Variants in ABAT observed in about 807,000 individuals in gnomAD.
ABAT encodes the protein 4-aminobutyrate aminotransferase, mitochondrial.
In ABAT, 45 loss-of-function variants were observed where a neutral mutation model predicts 64.6. That is an observed-to-expected ratio of 0.70 (90% CI 0.55 to 0.89). The LOEUF (loss-of-function observed/expected upper bound fraction) is 0.89. Ranked by LOEUF, ABAT falls within the 40% of genes least tolerant of loss-of-function variation. The pLI, the probability that ABAT is intolerant of heterozygous loss-of-function variation, is 0.00. For missense variants in ABAT, 633 were observed against 658.4 expected (o/e 0.96, Z 0.42); for synonymous variants, 297 against 250.5 (o/e 1.19, Z -1.75).
At chr16:8,747,420 T>G (rs2142658708) in intron 3 of ABAT, among the ~76,000 whole-genome samples, 2 of 152,342 alleles carry the variant, frequency 1.3e-5, no homozygotes, top group South Asian at 4.1e-4. Context: ...GATAGTGTTT[T>G]GCTAACAAAA....
chr16:8,749,425 G>C (rs1294683312), intron 4 of ABAT, among the ~76,000 whole-genome samples: 10 of 63,364 alleles, frequency 1.6e-4, no homozygotes, highest in Non-Finnish European at 2.6e-4. Flanking sequence ...TTGAGATGAA[G>C]TCTCACTCTG....
chr16:8,683,609 G>A (rs913361601), intron 1 of ABAT: 2 of 151,352 alleles, frequency 1.3e-5, no homozygotes, highest in Non-Finnish European at 2.9e-5. Context: ...CTATGATACT[G>A]AAAATATGGG....
At chr16:8,765,351 A>C (rs117423276) in intron 8 of ABAT, among the ~76,000 whole-genome samples, 1,803 of 150,576 alleles carry the variant, frequency 0.012, 9 homozygotes, top group Non-Finnish European at 0.018. Flanking sequence ...AAAAAAAAGA[A>C]GAAGAAAATG....
intron 15 of ABAT, chr16:8,780,790 C>G (rs1475077753): frequency 5.6e-6 from 1 of 178,848 alleles, no homozygotes; most frequent in African/African-American, 2.7e-5. Context: ...AAGGCATAAA[C>G]AACCTCGACA....
At chr16:8,726,902 C>G (rs2058574406) in intron 1 of ABAT, among the ~76,000 whole-genome samples, 1 of 152,164 alleles carries the variant, frequency 6.6e-6, no homozygotes, top group African/African-American at 2.4e-5. Context: ...GGTGAGATGA[C>G]AGCTCTTTGT....
At chr16:8,732,567 G>T (rs1345465037) in intron 1 of ABAT, among the ~76,000 whole-genome samples, 6 of 151,674 alleles carry the variant, frequency 4.0e-5, no homozygotes, top group Non-Finnish European at 5.9e-5. Context: ...GGATCCCAAG[G>T]CAGAAGAAGT....
At chr16:8,689,100 T>C (rs1273352) in intron 1 of ABAT, among the ~76,000 whole-genome samples, 64,636 of 150,136 alleles carry the variant, frequency 0.43, 14,313 homozygotes, top group East Asian at 0.64. Context: ...AAAAAAAAGT[T>C]CAACGTCATT....
chr16:8,688,446 C>G (rs2057506538), intron 1 of ABAT, among the ~76,000 whole-genome samples: 1 of 152,198 alleles, frequency 6.6e-6, no homozygotes, highest in African/African-American at 2.4e-5. Context: ...CCTTCCCTTC[C>G]TGTACCTTTA....
intron 1 of ABAT, among the ~76,000 whole-genome samples, chr16:8,709,002 G>A (rs935565281): frequency 6.6e-6 from 1 of 152,078 alleles, no homozygotes; most frequent in Non-Finnish European, 1.5e-5. Flanking sequence ...CCCGAAATGG[G>A]GCTCATCTGA....
chr16:8,735,155 T>C (rs1174014727), intron 1 of ABAT, among the ~76,000 whole-genome samples: 2 of 134,486 alleles, frequency 1.5e-5, no homozygotes, highest in Admixed American at 8.0e-5. Context: ...GCCTGAGCGA[T>C]AGAATGAGAC....
chr16:8,774,424 G>GATA (rs1294030224), intron 12 of ABAT, among the ~76,000 whole-genome samples: 2 of 151,990 alleles, frequency 1.3e-5, no homozygotes, highest in Non-Finnish European at 2.9e-5. Flanking sequence ...CAATCAAACC[G>GATA]ATAAGTTCAC....
chr16:8,697,809 GTAGT>G (rs927971019), intron 1 of ABAT, among the ~76,000 whole-genome samples: 13 of 151,946 alleles, frequency 8.6e-5, no homozygotes, highest in Non-Finnish European at 1.9e-4. Context: ...CTAATTTTTT[GTAGT>G]TTTAGTAGAG....
chr16:8,743,720 T>C (rs138531522), intron 2 of ABAT, among the ~76,000 whole-genome samples: 22 of 147,802 alleles, frequency 1.5e-4, no homozygotes, highest in African/African-American at 5.4e-4. Context: ...TGTAGTTATA[T>C]AATATATATT....
At chr16:8,766,347 G>T in intron 9 of ABAT, 77 bp downstream of exon 9, 1 of 1,448,346 alleles carries the variant, frequency 6.9e-7, no homozygotes, top group African/African-American at 1.4e-5. Flanking sequence ...TGGCTGGCTG[G>T]CACTGTCCTC....
Position 8,704,842 on chromosome 16 carries a change from TA to T in ABAT, c.-42+30140del, listed in dbSNP as rs1002045229. 2.2e-4 allele frequency among the ~76,000 whole-genome samples: 34 copies of T among 152,010 alleles called. 1 individual carries two copies. Among genetic ancestry groups the T allele is most frequent in the African/African-American group, 5.8e-4 (24 of 41,494 alleles). On this transcript the variant is annotated intron_variant, in intron 1 of 15. Transcript: ENST00000268251. ...TTTTCAACTGAGCACGCTTCTTTTT[TA>T]AAAAAAAATTTTTAAATTTTTGTAC...
intron 1 of ABAT, chr16:8,713,522 C>T (rs2058126488): frequency 1.0e-5 from 2 of 195,522 alleles, no homozygotes; most frequent in African/African-American, 4.7e-5. Context: ...AAACCCTTGT[C>T]TTTCTGAATC....
At chr16:8,750,943 CTTTTTTTT>C (rs71301327) in intron 5 of ABAT, among the ~76,000 whole-genome samples, 1 of 109,742 alleles carries the variant, frequency 9.1e-6, no homozygotes, top group African/African-American at 3.6e-5. Flanking sequence ...TTTTTCCCTG[CTTTTTTTT>C]TTTTTTTTTT....
chr16:8,732,372 T>TC (rs1165129255), intron 1 of ABAT, among the ~76,000 whole-genome samples: 1 of 150,796 alleles, frequency 6.6e-6, no homozygotes, highest in African/African-American at 2.5e-5. Flanking sequence ...CCTGCGGCCT[T>TC]CCGCAGTGTT....
At chr16:8,760,754 C>T (rs555910891) in intron 6 of ABAT, among the ~76,000 whole-genome samples, 2 of 152,330 alleles carry the variant, frequency 1.3e-5, no homozygotes, top group South Asian at 4.1e-4. Context: ...GAGGCAGAAG[C>T]GTCCTCAACA....
Sources: allele counts gnomAD v4.1 joint callset (sites outside exome capture counted in the v4.1 genomes callset), GRCh38; gene constraint gnomAD v4.1.1; transcripts MANE v1.5; gene names NCBI Gene and HGNC (gene_info 2026-07-23, HGNC 2026-07-21).